Variants in HDAC9 observed in about 807,000 individuals in gnomAD.
HDAC9 encodes MEF-2 interacting transcription repressor (MITR) protein.
HDAC9 carries 41 observed loss-of-function variants against 139.4 expected under a neutral mutation model. The ratio of observed to expected loss-of-function variants is 0.29; its 90% CI spans 0.23 to 0.38. The LOEUF (loss-of-function observed/expected upper bound fraction) is 0.38. Among genes scored for constraint, HDAC9 ranks in the 10% least tolerant of loss-of-function variants. The pLI is 1.00. For missense variants in HDAC9, 1,147 were observed against 1,297.0 expected, an observed-to-expected ratio of 0.88 and a Z score of 1.78; for synonymous variants, 517 against 476.2, an observed-to-expected ratio of 1.09 and a Z score of -1.12.
At chr7:18,584,811 T>C (rs1828958040) in intron 2 of HDAC9, among the ~76,000 whole-genome samples, 1 of 152,222 alleles carries the variant, frequency 6.6e-6, no homozygotes, top group South Asian at 2.1e-4. Flanking sequence ...TATTACAACC[T>C]TTACTTTGTA....
intron 13 of HDAC9, among the ~76,000 whole-genome samples, chr7:18,731,018 G>A (rs1388348580): frequency 6.6e-6 from 1 of 152,200 alleles, no homozygotes; most frequent in African/African-American, 2.4e-5. Context: ...GTGACATAGA[G>A]AGCATGGAGC....
intron 1 of HDAC9, chr7:18,127,160 C>CAGTG (rs1034462563): frequency 3.2e-4 from 53 of 168,032 alleles, no homozygotes; most frequent in African/African-American, 1.2e-3. Context: ...TTCTCTTCAC[C>CAGTG]AGTGTCTAGA....
chr7:18,624,766 G>A (rs1841186219), intron 6 of HDAC9, among the ~76,000 whole-genome samples: 1 of 151,690 alleles, frequency 6.6e-6, no homozygotes, highest in African/African-American at 2.4e-5. Context: ...ATATCATGCT[G>A]AGCTTCTGTG....
intron 6 of HDAC9, among the ~76,000 whole-genome samples, chr7:18,610,499 A>T (rs1347186265): frequency 6.6e-6 from 1 of 152,148 alleles, no homozygotes; most frequent in African/African-American, 2.4e-5. Context: ...AATTCCCAGG[A>T]CCATCTCATT....
intron 14 of HDAC9, among the ~76,000 whole-genome samples, chr7:18,753,616 A>G (rs1268798719): frequency 1.3e-5 from 2 of 152,156 alleles, no homozygotes; most frequent in Admixed American, 1.3e-4. Flanking sequence ...GAAAATGCTA[A>G]AAGGATTCCT....
rs189442429 is a variant in HDAC9, at chr7:18,207,808, G to A, written c.25+45459G>A. Among the ~76,000 whole-genome samples the A allele has an allele frequency of 1.6e-3, 239 of 151,838 alleles. 1 individual carries two copies. The highest frequency in any genetic ancestry group is 5.4e-3 in the African/African-American group (225 of 41,422). On this transcript the variant is annotated intron_variant, in intron 2 of 12. Coordinates refer to the HDAC9 transcript ENST00000417496. ...CGGCTCACCACAACCTCCGCCTCCC[G>A]GGTTCAAGCAATTCTCCTGTCTCAG...
chr7:18,600,893 C>G (rs1454327522), intron 6 of HDAC9, among the ~76,000 whole-genome samples: 1 of 152,134 alleles, frequency 6.6e-6, no homozygotes, highest in Non-Finnish European at 1.5e-5. Flanking sequence ...GGTGCAATCT[C>G]CTGGGCTCAA....
intron 13 of HDAC9, among the ~76,000 whole-genome samples, chr7:18,743,594 G>T (rs1169984003): frequency 6.9e-6 from 1 of 145,332 alleles, no homozygotes; most frequent in African/African-American, 2.5e-5. Context: ...GCAACAGAGT[G>T]AGACTGCGTC....
intron 1 of HDAC9, among the ~76,000 whole-genome samples, chr7:18,397,952 C>A (rs1787202097): frequency 6.6e-6 from 1 of 152,140 alleles, no homozygotes; most frequent in African/African-American, 2.4e-5. Context: ...GAAGCGGGAG[C>A]TGGCAAGATC....
chr7:18,716,297 A>G lies in HDAC9; in HGVS notation c.1732-11283A>G, dbSNP rs185730341. Among the ~76,000 whole-genome samples, 119 of 152,340 alleles carry G rather than the reference A, an allele frequency of 7.8e-4. 1 individual carries two copies. Among genetic ancestry groups the G allele is most frequent in the African/African-American group, 2.6e-3 (110 of 41,586 alleles). ...TGTGCTCTCTTGAACATTTTTTTCT[A>G]CAGGCAATTGTAAAAATATAGAAGT... On this transcript the variant is annotated intron_variant, in intron 12 of 25. Transcript: ENST00000686413.
At chr7:18,452,115 T>A (rs916621746) in intron 1 of HDAC9, among the ~76,000 whole-genome samples, 19 of 152,130 alleles carry the variant, frequency 1.2e-4, no homozygotes, top group African/African-American at 4.6e-4. Context: ...GCCAGGGCAG[T>A]TTGAGTGGCC....
chr7:18,987,806 G>T lies in HDAC9; in HGVS notation c.3171-8217G>T, dbSNP rs1161935284. On this transcript the variant is annotated intron_variant, in intron 25 of 25. Transcript: ENST00000686413. ...CTGGTTTAGTCTTGGGAGAGTGTAT[G>T]TGTCCAGGAATTTATCCATTTCTTC... Among the ~76,000 whole-genome samples, 7 of 152,280 alleles carry T rather than the reference G, an allele frequency of 4.6e-5. No individual in the cohort carries two copies. The East Asian group carries it at 9.6e-4, about 21-fold the overall frequency.
chr7:18,638,812 T>C (rs1784681024), intron 8 of HDAC9, among the ~76,000 whole-genome samples: 1 of 152,078 alleles, frequency 6.6e-6, no homozygotes, highest in Admixed American at 6.6e-5. Context: ...AGAACTCAGA[T>C]TGTTGGAGCT....
At chr7:18,874,658 A>T in intron 22 of HDAC9, 62 bp downstream of exon 22, 1 of 927,672 alleles carries the variant, frequency 1.1e-6, no homozygotes, top group East Asian at 2.6e-5. Flanking sequence ...TTAGGTCTTT[A>T]TGATAGACAC....
intron 24 of HDAC9, among the ~76,000 whole-genome samples, chr7:18,959,437 A>G: frequency 6.6e-6 from 1 of 152,182 alleles, no homozygotes; most frequent in East Asian, 1.9e-4. Context: ...AATCATAACC[A>G]TAGCATCTTT....
intron 17 of HDAC9, among the ~76,000 whole-genome samples, chr7:18,815,186 A>C (rs1794471441): frequency 6.6e-6 from 1 of 151,990 alleles, no homozygotes; most frequent in South Asian, 2.1e-4. Flanking sequence ...AAACAAAAAC[A>C]AATCTTCTTC....
rs962463735 is a variant in HDAC9 at position 18,577,907 on chromosome 7, A to G, written c.23-7374A>G. Reference sequence around the variant, plus strand: ...CATAATACATAACATGGATAGAAAGAATGAGACTGAAAAAAAGGACTTGTT... The same window carrying G: ...CATAATACATAACATGGATAGAAAGGATGAGACTGAAAAAAAGGACTTGTT... On this transcript the variant is annotated intron_variant, in intron 2 of 25. Transcript: ENST00000686413. 1.9e-4 allele frequency among the ~76,000 whole-genome samples: 29 copies of G among 152,108 alleles called. 1 individual carries two copies. The highest frequency in any genetic ancestry group is 6.8e-4 in the African/African-American group (28 of 41,374).
intron 6 of HDAC9, among the ~76,000 whole-genome samples, chr7:18,601,862 A>G (rs1314328093): frequency 6.6e-6 from 1 of 152,132 alleles, no homozygotes; most frequent in African/African-American, 2.4e-5. Context: ...ATTGGATTTG[A>G]TTTGCTAGTA....
At chr7:18,670,510 A>T (rs917257167) in intron 12 of HDAC9, among the ~76,000 whole-genome samples, 1 of 152,140 alleles carries the variant, frequency 6.6e-6, no homozygotes, top group African/African-American at 2.4e-5. Flanking sequence ...TTACAAACAC[A>T]CAGTGCGCAA....
Sources: allele counts gnomAD v4.1 joint callset (sites outside exome capture counted in the v4.1 genomes callset), GRCh38; gene constraint gnomAD v4.1.1; transcripts MANE v1.5; gene names NCBI Gene and HGNC (gene_info 2026-07-23, HGNC 2026-07-21).